Variants in BTBD16 observed in about 807,000 individuals in gnomAD.
BTBD16 encodes BTB/POZ domain-containing protein 16.
A neutral mutation model predicts 67.4 loss-of-function variants in BTBD16; 66 were observed. The ratio of observed to expected loss-of-function variants is 0.98; its 90% confidence interval spans 0.80 to 1.20. The LOEUF (loss-of-function observed/expected upper bound fraction) is 1.20. BTBD16 is among the 50% of genes most tolerant of loss of function. The pLI, the probability that BTBD16 is intolerant of heterozygous loss-of-function variation, is 0.00. For synonymous variants in BTBD16, 242 were observed against 236.4 expected (o/e 1.02, Z -0.22); for missense variants, 634 against 616.0 (o/e 1.03, Z -0.31).
chr10:122,307,512 G>A (rs2096405771), intron 10 of BTBD16, among the ~76,000 whole-genome samples: 1 of 152,034 alleles, frequency 6.6e-6, no homozygotes. Flanking sequence ...TGTAGGTGTT[G>A]TACTATGAGA....
In BTBD16 at chr10:122,299,076, C is replaced by A; in HGVS notation, c.733C>A (p.Gln245Lys). 6.2e-7 allele frequency: 1 copy of A among 1,614,064 alleles called. No individual in the cohort carries two copies. The change falls in exon 9 of 16, where the codon CAG becomes AAG. Residue 245 changes from glutamine to lysine, a missense_variant. Physicochemically the swap from Gln to Lys is moderately conservative, Grantham distance 53. Coordinates refer to ENST00000260723, the MANE Select transcript of BTBD16 (RefSeq NM_144587.5). The part of the protein sequence containing the change: ...EMNLVPLGGT[Q>K]IHLHKIPQDL... ...GAACTTGGTTCCTCTAGGGGGGACGCAGATCCACCTCCACAAAATCCCACA... is the reference window on the plus strand; with the variant it reads ...GAACTTGGTTCCTCTAGGGGGGACGAAGATCCACCTCCACAAAATCCCACA...
In BTBD16 at chr10:122,317,491, C is replaced by CA. The variant is rs1251676426; in HGVS notation, c.911+10189dup. ...TGAAACCCTGTCTCTACTAAAAATA[C>CA]AAAAAATTAGCCGGGCATGGTGGCG... On this transcript the variant is annotated intron_variant, in intron 10 of 15. Transcript: ENST00000260723. Among the ~76,000 whole-genome samples the CA allele has an allele frequency of 3.3e-5, 5 of 151,944 alleles. No individual in the cohort carries two copies. In the South Asian group the frequency reaches 1.0e-3, roughly 32 times the overall value.
chr10:122,294,477 C>T (rs1028666834), intron 7 of BTBD16, among the ~76,000 whole-genome samples: 1 of 152,248 alleles, frequency 6.6e-6, no homozygotes, highest in African/African-American at 2.4e-5. Context: ...TCTTTATTGG[C>T]ACTTGGGCTG....
At chr10:122,288,227 C>T (rs2096367341) in intron 5 of BTBD16, among the ~76,000 whole-genome samples, 1 of 152,208 alleles carries the variant, frequency 6.6e-6, no homozygotes, top group Non-Finnish European at 1.5e-5. Context: ...ATGCATCCTC[C>T]CATTTACTCC....
chr10:122,294,509 C>T (rs188273334), intron 7 of BTBD16, among the ~76,000 whole-genome samples: 38 of 152,206 alleles, frequency 2.5e-4, no homozygotes, highest in Non-Finnish European at 5.1e-4. Flanking sequence ...GGGATTGTGG[C>T]TGTCACATGC....
intron 10 of BTBD16, 145 bp from the exon 11 acceptor site, chr10:122,329,335 C>G (rs1308233039): frequency 2.3e-5 from 15 of 660,256 alleles, no homozygotes; most frequent in Non-Finnish European, 3.9e-5. Flanking sequence ...CTTCCATGTA[C>G]CTGACCCCTC....
chr10:122,317,646 C>CA (rs199617412), intron 10 of BTBD16, among the ~76,000 whole-genome samples: 1,518 of 107,774 alleles, frequency 0.014, 18 homozygotes, highest in African/African-American at 0.053. Flanking sequence ...GACTCTGTCT[C>CA]AAAAAAACAC....
At chr10:122,293,464 G>A (rs2096377653) in intron 7 of BTBD16, among the ~76,000 whole-genome samples, 1 of 152,198 alleles carries the variant, frequency 6.6e-6, no homozygotes, top group African/African-American at 2.4e-5. Flanking sequence ...GACACACATT[G>A]AAGAGGGCCT....
At position 122,299,126 on chromosome 10, in the gene BTBD16, G is replaced by C; in HGVS notation, c.783G>C (p.Lys261Asn). Residue 261 changes from lysine to asparagine, a missense_variant, in exon 9 of 16, where the codon AAG becomes AAC. Transcript: ENST00000260723. ...AGGACCTGCTCCACAAAGTGCTGAA[G>C]TCCCCCAGGTCAGAGCTGGCTCCCA... ...IPQDLLHKVL[K>N]SPRLFTFSEF... is the part of the protein sequence containing the mutation. The C allele has an allele frequency of 1.2e-6, 2 of 1,613,732 alleles. No homozygotes were observed. The highest frequency in any genetic ancestry group is 1.7e-6 in the Non-Finnish European group (2 of 1,179,922).
In BTBD16 at chr10:122,289,971, A is replaced by T. The variant is rs1381647204; in HGVS notation, c.448A>T (p.Ile150Phe). 6.2e-7 allele frequency: 1 copy of T among 1,613,704 alleles called. No homozygotes were observed. Among genetic ancestry groups the T allele is most frequent in the Non-Finnish European group, 8.5e-7 (1 of 1,179,732 alleles). ...PAKRIIISLK[I>F]NDPLVTKVAF... ...AAAGAGGATCATCATTTCCTTGAAGATCAATGACCCACTGGTCACTAAAGT... is the reference window on the plus strand; with the variant it reads ...AAAGAGGATCATCATTTCCTTGAAGTTCAATGACCCACTGGTCACTAAAGT... Residue 150 changes from isoleucine (I) to phenylalanine (F), a missense_variant, in exon 6 of 16, where the codon ATC becomes TTC. By Grantham distance (21) the Ile-to-Phe change is conservative (BLOSUM62 0). Transcript: ENST00000260723.
intron 10 of BTBD16, among the ~76,000 whole-genome samples, chr10:122,324,260 A>G (rs1427374781): frequency 1.3e-5 from 2 of 152,166 alleles, no homozygotes; most frequent in African/African-American, 4.8e-5. Context: ...ATGGGTGTGC[A>G]CTGGTGAACC....
chr10:122,318,963 T>C (rs1158968623), intron 10 of BTBD16, among the ~76,000 whole-genome samples: 1 of 152,228 alleles, frequency 6.6e-6, no homozygotes, highest in Non-Finnish European at 1.5e-5. Context: ...ATTTTAACTT[T>C]CATTTCCCCA....
At position 122,291,061 on chromosome 10, in the gene BTBD16, C is replaced by T. The variant is rs781457098; in HGVS notation, c.476-19C>T. 1.9e-6 allele frequency: 3 copies of T among 1,603,928 alleles called. No homozygotes were observed. In the Admixed American group the frequency reaches 5.1e-5, roughly 27 times the overall value. ...TGCAGAGCCCCACACAGATGGCTCG[C>T]TTGGCTGTGCCTCCCCAGCCTTCGC... On this transcript the variant is annotated intron_variant, in intron 6 of 15. Transcript: ENST00000260723.
At chr10:122,316,784 T>A (rs996505260) in intron 10 of BTBD16, among the ~76,000 whole-genome samples, 1 of 151,572 alleles carries the variant, frequency 6.6e-6, no homozygotes, top group African/African-American at 2.4e-5. Context: ...TGGGCAGCAC[T>A]GTAGACTTTT....
At chr10:122,312,991 C>G (rs1352556288) in intron 10 of BTBD16, among the ~76,000 whole-genome samples, 1 of 152,192 alleles carries the variant, frequency 6.6e-6, no homozygotes, top group Non-Finnish European at 1.5e-5. Context: ...ATTCTCTTGC[C>G]TCAGCCTCCT....
intron 10 of BTBD16, among the ~76,000 whole-genome samples, chr10:122,315,198 T>C (rs1006052822): frequency 3.3e-5 from 5 of 152,206 alleles, no homozygotes; most frequent in African/African-American, 1.2e-4. Flanking sequence ...GCAATAAACT[T>C]TGAGGTGGGA....
chr10:122,318,723 T>C (rs1458037345), intron 10 of BTBD16, among the ~76,000 whole-genome samples: 3 of 152,152 alleles, frequency 2.0e-5, no homozygotes, highest in Admixed American at 6.5e-5. Flanking sequence ...GTAGCTGGGA[T>C]TACAGGCACA....
In BTBD16 at chr10:122,291,068, G is replaced by C. The variant is rs1262972762; in HGVS notation, c.476-12G>C. 1 of 1,606,254 alleles carries C rather than the reference G, an allele frequency of 6.2e-7. No individual in the cohort carries two copies. Among genetic ancestry groups the C allele is most frequent in the East Asian group, 2.2e-5 (1 of 44,616 alleles). On this transcript the variant is annotated splice_polypyrimidine_tract_variant and intron_variant, in intron 6 of 15. Transcript: ENST00000260723. ...CCCCACACAGATGGCTCGCTTGGCT[G>C]TGCCTCCCCAGCCTTCGCCACGGCC...
chr10:122,316,543 T>C (rs1029288997), intron 10 of BTBD16, among the ~76,000 whole-genome samples: 6 of 152,188 alleles, frequency 3.9e-5, no homozygotes, highest in African/African-American at 1.2e-4. Flanking sequence ...TATGGTACAG[T>C]GTATCCCTCC....
Sources: allele counts gnomAD v4.1 joint callset (sites outside exome capture counted in the v4.1 genomes callset), GRCh38; gene constraint gnomAD v4.1.1; transcripts MANE v1.5; gene names NCBI Gene and HGNC (gene_info 2026-07-23, HGNC 2026-07-21).